Variants in RGS7BP observed in about 807,000 individuals in gnomAD.
RGS7BP encodes the protein regulator of G protein signaling 7-binding protein.
In RGS7BP, 9 loss-of-function variants were observed where a neutral mutation model predicts 31.3. The observed-to-expected ratio is 0.29, with a 90% CI of 0.17 to 0.50. The LOEUF is 0.50. Ranked by LOEUF, RGS7BP falls within the 20% of genes least tolerant of loss-of-function variation. RGS7BP has a pLI of 0.98. For missense variants in RGS7BP, 274 were observed against 322.0 expected (o/e 0.85, Z 1.14); for synonymous variants, 115 against 120.1 (o/e 0.96, Z 0.28).
chr5:64,512,309 C>G (rs1321435796), intron 2 of RGS7BP, among the ~76,000 whole-genome samples: 4 of 151,822 alleles, frequency 2.6e-5, no homozygotes, highest in African/African-American at 7.3e-5. Flanking sequence ...GATTCTAAAT[C>G]AGATTAGACC....
At chr5:64,519,060 G>C (rs1046865691) in intron 2 of RGS7BP, among the ~76,000 whole-genome samples, 2 of 152,148 alleles carry the variant, frequency 1.3e-5, no homozygotes, top group Non-Finnish European at 1.5e-5. Flanking sequence ...CCAGCTGTCT[G>C]CTGAGAACAC....
intron 2 of RGS7BP, among the ~76,000 whole-genome samples, chr5:64,527,598 T>A (rs1749261193): frequency 1.1e-5 from 1 of 91,146 alleles, no homozygotes. Flanking sequence ...AAGCATTGCT[T>A]ATAACAGTAA....
intron 2 of RGS7BP, among the ~76,000 whole-genome samples, chr5:64,517,001 G>A (rs1401092914): frequency 6.8e-6 from 1 of 146,454 alleles, no homozygotes; most frequent in Non-Finnish European, 1.5e-5. Context: ...AGACACCAGG[G>A]TTTATTCTCG....
intron 2 of RGS7BP, among the ~76,000 whole-genome samples, chr5:64,525,569 C>T (rs375175325): frequency 5.9e-5 from 9 of 152,270 alleles, no homozygotes; most frequent in East Asian, 5.8e-4. Context: ...TCATTTAATC[C>T]TTTCTAACAC....
Position 64,579,148 on chromosome 5 carries a change from T to A in RGS7BP, c.463+3244T>A, listed in dbSNP as rs190389414. Among the ~76,000 whole-genome samples, 411 of 152,290 alleles carry A rather than the reference T, an allele frequency of 2.7e-3. 4 individuals are homozygous for A. The highest frequency in any genetic ancestry group is 0.017 in the Middle Eastern group (5 of 294). ...GTCCTATAGACTGTTACTTTTCTCT[T>A]GGTACCAGTAGAGTTAAGGCAATGA... On this transcript the variant is annotated intron_variant, in intron 3 of 5. Coordinates refer to ENST00000334025, the MANE Select transcript of RGS7BP (RefSeq NM_001029875.3).
At chr5:64,552,294 T>C (rs1297395619) in intron 2 of RGS7BP, among the ~76,000 whole-genome samples, 1 of 152,212 alleles carries the variant, frequency 6.6e-6, no homozygotes, top group Admixed American at 6.5e-5. Flanking sequence ...AAATGGTTAC[T>C]CTTTTTTCTT....
At chr5:64,516,633 A>T (rs1164045218) in intron 2 of RGS7BP, among the ~76,000 whole-genome samples, 1 of 152,228 alleles carries the variant, frequency 6.6e-6, no homozygotes, top group Non-Finnish European at 1.5e-5. Flanking sequence ...CTGTATCAGA[A>T]TCATGTGGGT....
chr5:64,534,838 G>A lies in RGS7BP; in HGVS notation c.332+26961G>A, dbSNP rs182137085. On this transcript the variant is annotated intron_variant, in intron 2 of 5. Coordinates refer to ENST00000334025, the MANE Select transcript of RGS7BP (RefSeq NM_001029875.3). ...AGGTGGTATTTAAAACTTTCGGACT[G>A]GATGAGTTCATGTAGGGAGATGATG... is the stretch of plus-strand genomic sequence containing the variant. 6.6e-5 allele frequency among the ~76,000 whole-genome samples: 10 copies of A among 152,304 alleles called. No homozygotes were observed. The East Asian group carries it at 1.2e-3, about 18-fold the overall frequency.
intron 2 of RGS7BP, among the ~76,000 whole-genome samples, chr5:64,522,941 G>C (rs971858144): frequency 1.3e-4 from 20 of 152,194 alleles, no homozygotes; most frequent in African/African-American, 4.6e-4. Flanking sequence ...CATCTTCTGA[G>C]AGGGAAATTC....
At chr5:64,512,821 T>C (rs1475013307) in intron 2 of RGS7BP, among the ~76,000 whole-genome samples, 1 of 152,150 alleles carries the variant, frequency 6.6e-6, no homozygotes, top group Non-Finnish European at 1.5e-5. Flanking sequence ...TGAGATACCA[T>C]AAAAATTATA....
intron 2 of RGS7BP, among the ~76,000 whole-genome samples, chr5:64,544,807 C>T (rs1224146468): frequency 1.3e-5 from 2 of 151,990 alleles, no homozygotes; most frequent in Admixed American, 1.3e-4. Context: ...GAATCTAAGG[C>T]CGTAGTAATC....
intron 2 of RGS7BP, among the ~76,000 whole-genome samples, chr5:64,557,793 T>C (rs532398898): frequency 6.6e-5 from 10 of 152,306 alleles, no homozygotes; most frequent in African/African-American, 2.4e-4. Flanking sequence ...TGGGACTCTT[T>C]GTTAACTCTT....
At chr5:64,513,601 G>A (rs1345257111) in intron 2 of RGS7BP, among the ~76,000 whole-genome samples, 1 of 152,206 alleles carries the variant, frequency 6.6e-6, no homozygotes, top group Non-Finnish European at 1.5e-5. Context: ...AACGATGTAT[G>A]GTGATAAGAG....
chr5:64,582,047 T>G (rs1742613639), intron 3 of RGS7BP, among the ~76,000 whole-genome samples: 1 of 152,228 alleles, frequency 6.6e-6, no homozygotes. Flanking sequence ...TCTTGTAGTT[T>G]CATATTCTAA....
In RGS7BP at chr5:64,507,889, G is replaced by A. The variant is rs749262244; in HGVS notation, c.332+12G>A. The A allele has an allele frequency of 6.2e-6, 10 of 1,606,080 alleles. No individual in the cohort carries two copies. The highest frequency in any genetic ancestry group is 4.0e-5 in the African/African-American group (3 of 74,478). On this transcript the variant is annotated intron_variant, in intron 2 of 5. Transcript: ENST00000334025. ...GCTGCCATCTCAGGGTAGGAGACTC[G>A]GCATTATTTGGTAATCCATATACAT... is the stretch of plus-strand genomic sequence containing the variant.
chr5:64,530,811 T>C (rs1427789469), intron 2 of RGS7BP, among the ~76,000 whole-genome samples: 1 of 152,130 alleles, frequency 6.6e-6, no homozygotes, highest in Non-Finnish European at 1.5e-5. Flanking sequence ...ATTTATTAAG[T>C]AGAATAATTT....
chr5:64,535,374 G>A (rs1749479323), intron 2 of RGS7BP, among the ~76,000 whole-genome samples: 1 of 152,114 alleles, frequency 6.6e-6, no homozygotes, highest in African/African-American at 2.4e-5. Context: ...AGTGCATCCC[G>A]TGTTTGACCT....
intron 2 of RGS7BP, among the ~76,000 whole-genome samples, chr5:64,530,224 T>C (rs928199856): frequency 6.6e-6 from 1 of 152,192 alleles, no homozygotes; most frequent in African/African-American, 2.4e-5. Flanking sequence ...ATTGCTCACA[T>C]TGGAAGTAAT....
At chr5:64,606,651 T>G (rs990300369) in intron 5 of RGS7BP, among the ~76,000 whole-genome samples, 1 of 152,192 alleles carries the variant, frequency 6.6e-6, no homozygotes, top group Non-Finnish European at 1.5e-5. Flanking sequence ...AGTACATTGA[T>G]CAATTCATGG....
Sources: gnomAD v4.1 joint callset for allele counts (sites outside exome capture counted in the v4.1 genomes callset) on GRCh38, gnomAD v4.1.1 for gene constraint, MANE v1.5 for transcripts, NCBI Gene and HGNC (gene_info 2026-07-23, HGNC 2026-07-21) for gene names.